FAM161B: variants seen among roughly 807,000 people sequenced by gnomAD.
FAM161B encodes FAM161 centrosomal protein B.
A neutral mutation model predicts 61.5 loss-of-function variants in FAM161B; 46 were observed. The observed-to-expected ratio is 0.75, with a 90% confidence interval of 0.59 to 0.96. The LOEUF (loss-of-function observed/expected upper bound fraction) is 0.96. Among genes scored for constraint, FAM161B ranks in the 40% least tolerant of loss-of-function variants. The pLI, the probability that FAM161B is intolerant of heterozygous loss-of-function variation, is 0.00. For synonymous variants in FAM161B, 284 were observed against 302.7 expected (o/e 0.94, Z 0.64); for missense variants, 774 against 800.7 (o/e 0.97, Z 0.40).
Position 73,935,973 on chromosome 14 carries a change from T to G in FAM161B, c.1781A>C (p.Glu594Ala), listed in dbSNP as rs746404369. 1 of 1,611,688 alleles carries G rather than the reference T, an allele frequency of 6.2e-7. No homozygotes were observed. Among genetic ancestry groups the G allele is most frequent in the Non-Finnish European group, 8.5e-7 (1 of 1,178,626 alleles). The change falls in exon 8 of 9, where the codon GAG (glutamate) becomes GCG (alanine). Residue 594 changes from glutamate to alanine, a missense_variant. Transcript: ENST00000286544. The stretch of plus-strand genomic sequence containing the variant: ...CCTGGGAAAATCCTTGATTTTGGTC[T>G]CTTTCTCTTGAACAGCCCGGGTGCC... ...GQGTRAVQEKETKIKDFPRFQ... is the reference protein window; with the variant it reads ...GQGTRAVQEKATKIKDFPRFQ...
At chr14:73,925,425 A>G in the FAM161B span, among the ~76,000 whole-genome samples, 23,378 of 150,526 alleles carry the variant, frequency 0.16, 2,378 homozygotes, top group East Asian at 0.49. Flanking sequence ...CCTGTCTCCT[A>G]ACTTTGACTT....
intron 8 of FAM161B, 63 bp from the exon 9 acceptor site, chr14:73,934,457 T>C (rs1303284622): frequency 3.3e-6 from 5 of 1,498,380 alleles, no homozygotes; most frequent in Non-Finnish European, 4.5e-6. Flanking sequence ...GGTCTCACTC[T>C]CACCCAGGCT....
At chr14:73,949,525 T>A (rs2056107560) in intron 1 of FAM161B, among the ~76,000 whole-genome samples, 2 of 150,068 alleles carry the variant, frequency 1.3e-5, no homozygotes, top group South Asian at 4.3e-4. Flanking sequence ...GCCAATTTTT[T>A]TTTTTTTTTT....
Position 73,936,191 on chromosome 14 carries a change from C to A in FAM161B, c.1666-103G>T, listed in dbSNP as rs1304871807. On this transcript the variant is annotated intron_variant, in intron 7 of 8. Transcript: ENST00000286544. The stretch of plus-strand genomic sequence containing the variant: ...ACAATACTGCCACAACCACCACCAC[C>A]CTTATTGTGGGGCATAGATTTGCAA... 51 of 1,286,658 alleles carry A rather than the reference C, an allele frequency of 4.0e-5. 1 individual carries two copies. Among genetic ancestry groups the A allele is most frequent in the South Asian group, 2.0e-5 (1 of 50,260 alleles). The allele number at this position is 1,286,658 out of a possible 1,614,324, so 79.7% of individuals were successfully genotyped here.
chr14:73,948,307 TGTTA>T (rs1219433210), intron 1 of FAM161B, among the ~76,000 whole-genome samples: 1 of 152,080 alleles, frequency 6.6e-6, no homozygotes. Flanking sequence ...GAAGAAGGGG[TGTTA>T]GTAATTTTGC....
At chr14:73,926,770 C>G (rs555934577), downstream of FAM161B, among the ~76,000 whole-genome samples, 5 of 152,212 alleles carry the variant, frequency 3.3e-5, no homozygotes, top group African/African-American at 1.2e-4. Context: ...GATTTTCCCA[C>G]ATTCTGGTTT....
chr14:73,940,550 C>A (rs56127215), intron 5 of FAM161B, among the ~76,000 whole-genome samples: 5 of 151,752 alleles, frequency 3.3e-5, no homozygotes, highest in Non-Finnish European at 5.9e-5. Flanking sequence ...AAGACAAGAC[C>A]CCCCTGCTCC....
At chr14:73,942,269 A>AT (rs1413821269) in intron 4 of FAM161B, 100 bp downstream of exon 4, 5 of 1,236,146 alleles carry the variant, frequency 4.0e-6, no homozygotes, top group Non-Finnish European at 5.6e-6. Context: ...TAAAAAAAAG[A>AT]TAGGAAAACC....
intron 5 of FAM161B, among the ~76,000 whole-genome samples, chr14:73,939,340 C>T (rs924173753): frequency 6.6e-6 from 1 of 152,174 alleles, no homozygotes; most frequent in African/African-American, 2.4e-5. Context: ...GTCCAACATT[C>T]AATAGGTCTT....
Position 73,935,557 on chromosome 14 carries a change from AAAG to A in FAM161B, c.1805+389_1805+391del, listed in dbSNP as rs1329652932. ...AAAAAAATACAAAAAATAAAAAAAA[AAAG>A]GTTATGGAGAAGGTGATACTAATGA... On this transcript the variant is annotated intron_variant, in intron 8 of 8. Transcript: ENST00000286544. 1.4e-4 allele frequency among the ~76,000 whole-genome samples: 21 copies of A among 150,658 alleles called. No individual in the cohort carries two copies. In the East Asian group the frequency reaches 3.9e-3, roughly 28 times the overall value.
chr14:73,925,299 T>A, the FAM161B span, among the ~76,000 whole-genome samples: 1 of 152,190 alleles, frequency 6.6e-6, no homozygotes, highest in East Asian at 1.9e-4. Context: ...TTTTCTTGTC[T>A]TCATTTTTCT....
intron 8 of FAM161B, among the ~76,000 whole-genome samples, chr14:73,935,115 T>G (rs761882550): frequency 6.6e-6 from 1 of 151,642 alleles, no homozygotes; most frequent in Non-Finnish European, 1.5e-5. Context: ...AAAGGAAAAT[T>G]TCTAGGGGTA....
At position 73,950,041 on chromosome 14, in the gene FAM161B, G is replaced by A. The variant is rs750589173; in HGVS notation, c.-15C>T. On this transcript the variant is annotated 5_prime_UTR_variant, in exon 1 of 9. Transcript: ENST00000286544. The stretch of plus-strand genomic sequence containing the variant: ...CCCACGGTCATTTCAGCTGGACAGA[G>A]GCAGCAGCGACAGTGACAGCGATAG... 6.2e-7 allele frequency: 1 copy of A among 1,611,400 alleles called. No homozygotes were observed. The highest frequency in any genetic ancestry group is 1.1e-5 in the South Asian group (1 of 91,066).
intron 1 of FAM161B, among the ~76,000 whole-genome samples, chr14:73,948,222 C>T (rs1016368919): frequency 3.9e-5 from 6 of 152,212 alleles, no homozygotes; most frequent in African/African-American, 1.4e-4. Context: ...TTGGGCCCCG[C>T]CCAACGGCAA....
chr14:73,937,849 A>G, intron 6 of FAM161B, 99 bp downstream of exon 6: 1 of 1,574,714 alleles, frequency 6.4e-7, no homozygotes. Context: ...ACAGGAGCCT[A>G]CCTACCTCGA....
intron 2 of FAM161B, 104 bp downstream of exon 2, chr14:73,946,182 T>G: frequency 3.2e-6 from 4 of 1,237,256 alleles, no homozygotes; most frequent in Non-Finnish European, 3.4e-6. Flanking sequence ...AATGGCAACT[T>G]GCAGAAGTGC....
rs2056083050 is a variant in FAM161B at position 73,948,182 on chromosome 14, C to T, written c.55-1577G>A. ...CAAATGATCCGCCTGCCTTGGCCTC[C>T]CAAAGTGCTGGGATTACAGGCGTGA... On this transcript the variant is annotated intron_variant, in intron 1 of 8. Coordinates refer to ENST00000286544, the MANE Select transcript of FAM161B (RefSeq NM_152445.3). Among the ~76,000 whole-genome samples the T allele has an allele frequency of 2.0e-5, 3 of 152,336 alleles. No individual in the cohort carries two copies. In the South Asian group the frequency reaches 6.2e-4, roughly 32 times the overall value.
rs1566672057 is a variant in FAM161B, at chr14:73,934,375, G to A, written c.1825C>T (p.Leu609Phe). ...CCCTGCTCTGGATCTCTGATGCTGA[G>A]TTTTGTAGTTTCTTGGAACCTGCAG... is the stretch of plus-strand genomic sequence containing the variant. Reference protein sequence around the residue: ...DFPRFQETTKLSIRDPEQGLE... With the variant: ...DFPRFQETTKFSIRDPEQGLE... Residue 609 changes from leucine to phenylalanine, a missense_variant, in exon 9 of 9, where the codon CTC becomes TTC. Leu to Phe is a conservative substitution (Grantham distance 22). Transcript: ENST00000286544. 1.2e-6 allele frequency: 2 copies of A among 1,602,548 alleles called. No homozygotes were observed. Among genetic ancestry groups the A allele is most frequent in the Admixed American group, 3.6e-5 (2 of 55,796 alleles).
At chr14:73,924,631 G>C in the FAM161B span, 1 of 433,696 alleles carries the variant, frequency 2.3e-6, no homozygotes, top group Non-Finnish European at 4.5e-6. Flanking sequence ...GATCCTTTCA[G>C]TATTACATTA....
Sources: allele counts gnomAD v4.1 joint callset (sites outside exome capture counted in the v4.1 genomes callset), GRCh38; gene constraint gnomAD v4.1.1; transcripts MANE v1.5; gene names NCBI Gene and HGNC (gene_info 2026-07-23, HGNC 2026-07-21).